The following CSMD1 variants were observed in gnomAD, a reference collection of about 807,000 sequenced individuals.
CSMD1 encodes CUB and sushi domain-containing protein 1.
A neutral mutation model predicts 417.5 loss-of-function variants in CSMD1; 213 were observed. That is an observed-to-expected ratio of 0.51 (90% CI 0.46 to 0.57). The LOEUF (loss-of-function observed/expected upper bound fraction) is 0.57, where lower values mean the gene tolerates loss of function less well. Ranked by LOEUF, CSMD1 falls within the 20% of genes least tolerant of loss-of-function variation. The pLI, the probability that CSMD1 is intolerant of heterozygous loss-of-function variation, is 0.00. For synonymous variants in CSMD1, 2,862 were observed against 1,736.8 expected (o/e 1.65, Z -16.11); for missense variants, 6,923 against 4,529.7 (o/e 1.53, Z -15.17).
chr8:3,176,521 C>G (rs1241469546), intron 37 of CSMD1, among the ~76,000 whole-genome samples: 2 of 152,082 alleles, frequency 1.3e-5, no homozygotes, highest in African/African-American at 4.8e-5. Context: ...CCCTAAGACC[C>G]TTAAAATCTC....
chr8:4,811,565 C>A (rs958939904), intron 1 of CSMD1, among the ~76,000 whole-genome samples: 10 of 152,006 alleles, frequency 6.6e-5, no homozygotes, highest in African/African-American at 2.4e-4. Flanking sequence ...GAAAAATAAA[C>A]ACATGTGAGG....
chr8:3,667,943 A>T (rs766571046), intron 7 of CSMD1, among the ~76,000 whole-genome samples: 5 of 152,082 alleles, frequency 3.3e-5, no homozygotes, highest in Non-Finnish European at 5.9e-5. Context: ...CAATTCACCC[A>T]CCCATTTCCT....
chr8:3,733,446 C>T (rs1001434778), intron 6 of CSMD1, among the ~76,000 whole-genome samples: 5 of 151,002 alleles, frequency 3.3e-5, no homozygotes, highest in African/African-American at 4.9e-5. Context: ...TATGTATGCA[C>T]TAATCTTCAC....
At chr8:3,785,979 G>C (rs1012362729) in intron 5 of CSMD1, among the ~76,000 whole-genome samples, 1 of 152,202 alleles carries the variant, frequency 6.6e-6, no homozygotes, top group Non-Finnish European at 1.5e-5. Context: ...GTTTTCCCCA[G>C]GAGACCTGAG....
intron 3 of CSMD1, among the ~76,000 whole-genome samples, chr8:4,072,577 T>A (rs1357425084): frequency 6.6e-6 from 1 of 152,178 alleles, no homozygotes; most frequent in East Asian, 1.9e-4. Flanking sequence ...ATAAGAAATA[T>A]GAGGTTCTGT....
At chr8:4,839,592 A>G (rs576060746) in intron 1 of CSMD1, among the ~76,000 whole-genome samples, 22 of 152,320 alleles carry the variant, frequency 1.4e-4, no homozygotes, top group African/African-American at 5.1e-4. Context: ...ATGAAATAAC[A>G]TAGTTATTTT....
chr8:3,654,297 A>T (rs932975451), intron 7 of CSMD1, among the ~76,000 whole-genome samples: 33 of 152,228 alleles, frequency 2.2e-4, no homozygotes, highest in Non-Finnish European at 1.5e-5. Context: ...ATAGAAATAC[A>T]AAGATTTATA....
intron 7 of CSMD1, among the ~76,000 whole-genome samples, chr8:3,676,043 G>C (rs914552372): frequency 6.6e-6 from 1 of 152,136 alleles, no homozygotes; most frequent in African/African-American, 2.4e-5. Flanking sequence ...ACAAATATAG[G>C]CATAGGAAGT....
At chr8:3,282,855 C>G (rs1314464414) in intron 26 of CSMD1, among the ~76,000 whole-genome samples, 5 of 152,132 alleles carry the variant, frequency 3.3e-5, no homozygotes, top group African/African-American at 9.7e-5. Context: ...CTAAATATGA[C>G]TTGTCAGTGA....
chr8:4,161,051 G>C (rs1326090721), intron 3 of CSMD1, among the ~76,000 whole-genome samples: 1 of 151,606 alleles, frequency 6.6e-6, no homozygotes, highest in Non-Finnish European at 1.5e-5. Flanking sequence ...TAAAAACTGA[G>C]CAGTCCCAGA....
chr8:4,168,090 C>G (rs923443317), intron 3 of CSMD1, among the ~76,000 whole-genome samples: 2 of 151,634 alleles, frequency 1.3e-5, no homozygotes, highest in Non-Finnish European at 2.9e-5. Context: ...AATCGCACCA[C>G]TGCTCTCCAG....
intron 1 of CSMD1, among the ~76,000 whole-genome samples, chr8:4,951,697 G>C (rs1450033920): frequency 6.6e-6 from 1 of 151,644 alleles, no homozygotes; most frequent in Non-Finnish European, 1.5e-5. Context: ...ATCCTTGGCT[G>C]TGGTTCTACC....
In CSMD1 at chr8:4,349,291, G is replaced by C. The variant is rs549272439; in HGVS notation, c.415+70662C>G. Among the ~76,000 whole-genome samples, 3 of 152,214 alleles carry C rather than the reference G, an allele frequency of 2.0e-5. No homozygotes were observed. The East Asian group carries it at 5.8e-4, about 29-fold the overall frequency. On this transcript the variant is annotated intron_variant, in intron 3 of 69. Transcript: ENST00000635120. ...TTTCAAAAACAATTTTTGCAGCAGT[G>C]GAAAGCTATTTTTCTACACTCTAAG...
At chr8:3,374,384 T>A (rs929611066) in intron 18 of CSMD1, among the ~76,000 whole-genome samples, 1 of 152,226 alleles carries the variant, frequency 6.6e-6, no homozygotes, top group East Asian at 1.9e-4. Context: ...TTGATGCTTC[T>A]GGGCATAGAA....
chr8:3,462,736 C>T (rs557233193), intron 12 of CSMD1, among the ~76,000 whole-genome samples: 11 of 152,296 alleles, frequency 7.2e-5, no homozygotes, highest in African/African-American at 2.6e-4. Flanking sequence ...TCACCTCTCC[C>T]AGTCCATGGA....
At chr8:4,125,904 C>T (rs1169426828) in intron 3 of CSMD1, among the ~76,000 whole-genome samples, 1 of 152,152 alleles carries the variant, frequency 6.6e-6, no homozygotes, top group African/African-American at 2.4e-5. Context: ...AGACACGCAG[C>T]CTCTGGCTCC....
At chr8:4,505,240 C>T (rs1802457846) in intron 2 of CSMD1, among the ~76,000 whole-genome samples, 1 of 152,062 alleles carries the variant, frequency 6.6e-6, no homozygotes, top group African/African-American at 2.4e-5. Context: ...AAAGTTTTTC[C>T]TTACTTTATG....
chr8:3,209,448 C>G lies in CSMD1; in HGVS notation c.4868-3828G>C, dbSNP rs564047997. 2.3e-4 allele frequency among the ~76,000 whole-genome samples: 35 copies of G among 152,120 alleles called. 1 individual carries two copies. Among genetic ancestry groups the G allele is most frequent in the African/African-American group, 8.2e-4 (34 of 41,482 alleles). On this transcript the variant is annotated intron_variant, in intron 30 of 69. Coordinates refer to ENST00000635120, the MANE Select transcript of CSMD1 (RefSeq NM_033225.6). ...TCTCCTGCCTCAGCCTCCCGAGTAGCTGGGACTACAGGCACCTGCCACCAT... is the reference window on the plus strand; with the variant it reads ...TCTCCTGCCTCAGCCTCCCGAGTAGGTGGGACTACAGGCACCTGCCACCAT...
intron 26 of CSMD1, among the ~76,000 whole-genome samples, chr8:3,277,259 G>C (rs1247414931): frequency 2.0e-5 from 3 of 152,120 alleles, no homozygotes; most frequent in Non-Finnish European, 4.4e-5. Context: ...AGTCACCCTG[G>C]CTGAGATGAG....
Sources: gnomAD v4.1 joint callset for allele counts (sites outside exome capture counted in the v4.1 genomes callset) on GRCh38, gnomAD v4.1.1 for gene constraint, MANE v1.5 for transcripts, NCBI Gene and HGNC (gene_info 2026-07-23, HGNC 2026-07-21) for gene names.